PREX2: variants seen among roughly 807,000 people sequenced by gnomAD.
PREX2 encodes the protein phosphatidylinositol 3,4,5-trisphosphate-dependent Rac exchanger 2 protein.
A neutral mutation model predicts 203.2 loss-of-function variants in PREX2; 107 were observed. The ratio of observed to expected loss-of-function variants is 0.53; its 90% CI spans 0.45 to 0.62. The LOEUF (loss-of-function observed/expected upper bound fraction) is 0.62, where lower values mean the gene tolerates loss of function less well. Among genes scored for constraint, PREX2 ranks in the 20% least tolerant of loss-of-function variants. The pLI is 0.00. For synonymous variants in PREX2, 672 were observed against 663.6 expected, an observed-to-expected ratio of 1.01 and a Z score of -0.19; for missense variants, 1,777 against 1,955.9, an observed-to-expected ratio of 0.91 and a Z score of 1.72.
chr8:68,204,678 C>CTTTTTTTTTTTTTTTTTTTTTTT (rs1192583427), intron 37 of PREX2, among the ~76,000 whole-genome samples: 30 of 83,424 alleles, frequency 3.6e-4, no homozygotes, highest in Non-Finnish European at 5.2e-4. Flanking sequence ...TTTCTTCTTT[C>CTTTTTTTTTTTTTTTTTTTTTTT]TTTTTTTTTT....
rs534327634 is a variant in PREX2 at position 67,952,651 on chromosome 8, G to A, written c.141+116G>A. On this transcript the variant is annotated intron_variant, in intron 1 of 39. Coordinates refer to ENST00000288368, the MANE Select transcript of PREX2 (RefSeq NM_024870.4). ...GTGCGGGGACCCGGGACGGGTCGGG[G>A]CATCACAGGCGCGGGAATCCACGTG... 7.8e-6 allele frequency: 11 copies of A among 1,408,700 alleles called. No homozygotes were observed. In the African/African-American group the frequency reaches 1.1e-4, roughly 15 times the overall value. The allele number at this position is 1,408,700 out of a possible 1,614,324, so 87.3% of individuals were successfully genotyped here.
At chr8:68,092,563 T>C (rs562984891) in intron 20 of PREX2, among the ~76,000 whole-genome samples, 5 of 152,194 alleles carry the variant, frequency 3.3e-5, no homozygotes, top group Non-Finnish European at 5.9e-5. Context: ...GGAACTGCTG[T>C]TAAAATATAG....
chr8:67,961,184 T>C (rs532074027), intron 1 of PREX2, among the ~76,000 whole-genome samples: 4 of 152,108 alleles, frequency 2.6e-5, no homozygotes, highest in African/African-American at 9.7e-5. Context: ...CCTGGTATTA[T>C]ATTTTCATAC....
chr8:67,970,709 C>A (rs1298076028), intron 1 of PREX2, among the ~76,000 whole-genome samples: 1 of 152,120 alleles, frequency 6.6e-6, no homozygotes, highest in East Asian at 1.9e-4. Context: ...AAATCATTTT[C>A]CTCTTCTGTG....
intron 11 of PREX2, among the ~76,000 whole-genome samples, chr8:68,065,304 A>G (rs941362181): frequency 6.6e-6 from 1 of 152,244 alleles, no homozygotes; most frequent in Non-Finnish European, 1.5e-5. Flanking sequence ...TTATTAAGGT[A>G]TAAAAATGGG....
chr8:67,981,221 C>T (rs1021714185), intron 1 of PREX2, among the ~76,000 whole-genome samples: 1 of 152,092 alleles, frequency 6.6e-6, no homozygotes, highest in South Asian at 2.1e-4. Context: ...ATAAAAGAAG[C>T]GAATGTCTTG....
At chr8:68,199,107 C>T (rs978072114) in intron 37 of PREX2, among the ~76,000 whole-genome samples, 6 of 151,468 alleles carry the variant, frequency 4.0e-5, no homozygotes, top group South Asian at 2.1e-4. Context: ...TTGTTAGTGG[C>T]ACCATCAAGA....
chr8:68,023,902 A>G (rs1807639278), intron 4 of PREX2, among the ~76,000 whole-genome samples: 2 of 152,040 alleles, frequency 1.3e-5, no homozygotes, highest in Admixed American at 1.3e-4. Flanking sequence ...TATAGGATCA[A>G]TTATCTGATA....
At chr8:68,109,905 A>G (rs1479402140) in intron 25 of PREX2, among the ~76,000 whole-genome samples, 1 of 152,220 alleles carries the variant, frequency 6.6e-6, no homozygotes, top group African/African-American at 2.4e-5. Flanking sequence ...TATTACCTTG[A>G]AAGATATATT....
At chr8:68,101,301 C>T in intron 23 of PREX2, 2 of 514,456 alleles carry the variant, frequency 3.9e-6, no homozygotes, top group Non-Finnish European at 7.8e-6. Flanking sequence ...CTAAATGAGT[C>T]AAGGGAAAAG....
intron 33 of PREX2, among the ~76,000 whole-genome samples, chr8:68,141,547 A>G (rs934172164): frequency 2.0e-5 from 3 of 152,240 alleles, no homozygotes; most frequent in Admixed American, 6.5e-5. Context: ...AAGCAGATGC[A>G]TAAAGAAAAA....
Position 67,952,360 on chromosome 8 carries a change from G to C in PREX2, c.-35G>C, listed in dbSNP as rs752082482. ...GGGCGCGCGGGTCAGCGCTCAGCAC[G>C]GCGGGCAGCGCCGCGCTGCGCACCG... On this transcript the variant is annotated 5_prime_UTR_variant, in exon 1 of 40. Coordinates refer to ENST00000288368, the MANE Select transcript of PREX2 (RefSeq NM_024870.4). 3.4e-6 allele frequency: 5 copies of C among 1,487,874 alleles called. No homozygotes were observed. The Admixed American group carries it at 7.4e-5, about 22-fold the overall frequency. 92.2% of individuals were successfully genotyped at this position (1,487,874 alleles called of 1,614,324 possible).
chr8:68,225,091 T>C (rs1466519564), intron 39 of PREX2, among the ~76,000 whole-genome samples: 1 of 152,188 alleles, frequency 6.6e-6, no homozygotes, highest in Admixed American at 6.5e-5. Context: ...CATCTTGTCA[T>C]ATTGACCTAT....
rs949874513 is a variant in PREX2 at position 68,077,282 on chromosome 8, A to G, written c.1570-115A>G. ...TGCATTCTGTCTTATAAAGCAATGC[A>G]TGCTTTATAAGCGAAGCTTTGTCTG... On this transcript the variant is annotated intron_variant, in intron 14 of 39. Coordinates refer to ENST00000288368, the MANE Select transcript of PREX2 (RefSeq NM_024870.4). The G allele has an allele frequency of 2.0e-5, 15 of 761,228 alleles. No homozygotes were observed. In the African/African-American group the frequency reaches 2.4e-4, roughly 12 times the overall value. 47.2% of individuals were successfully genotyped at this position (761,228 alleles called of 1,614,324 possible).
At chr8:68,014,472 C>T (rs1807356729) in intron 1 of PREX2, among the ~76,000 whole-genome samples, 1 of 152,104 alleles carries the variant, frequency 6.6e-6, no homozygotes, top group Non-Finnish European at 1.5e-5. Context: ...ATGTGAGAGC[C>T]TCACTTCCTC....
intron 34 of PREX2, among the ~76,000 whole-genome samples, chr8:68,153,286 C>G (rs1811479486): frequency 6.6e-6 from 1 of 152,180 alleles, no homozygotes; most frequent in African/African-American, 2.4e-5. Flanking sequence ...TAAAATTATT[C>G]TTCAGAGATT....
At position 68,027,257 on chromosome 8, in the gene PREX2, T is replaced by C; in HGVS notation, c.477T>C (p.Asp159=). The change falls in exon 5 of 40, where the codon GAT becomes GAC. Residue 159 remains aspartate, a synonymous_variant. Coordinates refer to ENST00000288368, the MANE Select transcript of PREX2 (RefSeq NM_024870.4). Reference sequence around the variant, plus strand: ...TGCTTGGAGGACGGAAGAACACAGATGTTCCCTTGGAAGGATATTTAGTAA... The same window carrying C: ...TGCTTGGAGGACGGAAGAACACAGACGTTCCCTTGGAAGGATATTTAGTAA... ...CMLLGGRKNT[D]VPLEGYLVTP... 3.7e-6 allele frequency: 6 copies of C among 1,612,358 alleles called. No individual in the cohort carries two copies. The highest frequency in any genetic ancestry group is 4.2e-6 in the Non-Finnish European group (5 of 1,178,664).
chr8:68,028,283 T>C (rs1429367581), intron 5 of PREX2, among the ~76,000 whole-genome samples: 1 of 151,802 alleles, frequency 6.6e-6, no homozygotes, highest in African/African-American at 2.4e-5. Context: ...TTAACTATTT[T>C]ATATAAATCA....
At chr8:68,219,601 A>C (rs1434052996) in intron 38 of PREX2, among the ~76,000 whole-genome samples, 2 of 152,142 alleles carry the variant, frequency 1.3e-5, no homozygotes, top group African/African-American at 4.8e-5. Flanking sequence ...CCTCTGCCCC[A>C]AGTTGTGACG....
Sources: allele counts gnomAD v4.1 joint callset (sites outside exome capture counted in the v4.1 genomes callset), GRCh38; gene constraint gnomAD v4.1.1; transcripts MANE v1.5; gene names NCBI Gene and HGNC (gene_info 2026-07-23, HGNC 2026-07-21).